The following UBAP1 variants were observed in gnomAD, a reference collection of about 807,000 sequenced individuals.
UBAP1 encodes ubiquitin associated protein 1.
UBAP1 carries 5 observed loss-of-function variants against 39.0 expected under a neutral mutation model. That is an observed-to-expected ratio of 0.13 (90% confidence interval 0.07 to 0.27). The LOEUF (loss-of-function observed/expected upper bound fraction) is 0.27. Among genes scored for constraint, UBAP1 ranks in the 10% least tolerant of loss-of-function variants. UBAP1 has a pLI of 1.00. For synonymous variants in UBAP1, 211 were observed against 225.1 expected, an observed-to-expected ratio of 0.94 and a Z score of 0.56; for missense variants, 490 against 608.1, an observed-to-expected ratio of 0.81 and a Z score of 2.04.
At chr9:34,208,792 A>C (rs1163242618) in intron 1 of UBAP1, among the ~76,000 whole-genome samples, 1 of 150,150 alleles carries the variant, frequency 6.7e-6, no homozygotes, top group Non-Finnish European at 1.5e-5. Context: ...AAAAAAAAAA[A>C]AATTAGCTGG....
intron 2 of UBAP1, among the ~76,000 whole-genome samples, chr9:34,222,011 C>T (rs1832786298): frequency 6.6e-6 from 1 of 152,104 alleles, no homozygotes; most frequent in South Asian, 2.1e-4. Flanking sequence ...TGCCTGCAGT[C>T]CCAGCTACTC....
chr9:34,233,772 C>G (rs142217509), intron 2 of UBAP1, among the ~76,000 whole-genome samples: 7 of 152,158 alleles, frequency 4.6e-5, no homozygotes, highest in Non-Finnish European at 1.0e-4. Flanking sequence ...TCAGGGTAAG[C>G]CTCACTGAGA....
intron 1 of UBAP1, among the ~76,000 whole-genome samples, chr9:34,189,601 G>A (rs1024826692): frequency 2.6e-5 from 4 of 152,022 alleles, no homozygotes; most frequent in African/African-American, 4.8e-5. Context: ...AGACTTTAGG[G>A]GTAGTTTGTG....
chr9:34,234,757 G>A (rs1833598492), intron 3 of UBAP1, among the ~76,000 whole-genome samples: 1 of 152,162 alleles, frequency 6.6e-6, no homozygotes, highest in South Asian at 2.1e-4. Context: ...TGCATTGACA[G>A]TCTTACAAAA....
At chr9:34,181,995 T>C (rs1414839653) in intron 1 of UBAP1, among the ~76,000 whole-genome samples, 1 of 149,076 alleles carries the variant, frequency 6.7e-6, no homozygotes, top group Non-Finnish European at 1.5e-5. Context: ...AGAAGGGGTC[T>C]CTTATGTTGC....
intron 2 of UBAP1, among the ~76,000 whole-genome samples, chr9:34,226,128 TGTGTGTGTG>T (rs1833069959): frequency 8.5e-6 from 1 of 117,992 alleles, no homozygotes; most frequent in African/African-American, 2.7e-5. Context: ...TGTGTGTGTG[TGTGTGTGTG>T]TGTGTGTGTG....
intron 4 of UBAP1, among the ~76,000 whole-genome samples, chr9:34,248,849 G>A (rs772022080): frequency 6.6e-6 from 1 of 152,298 alleles, no homozygotes; most frequent in East Asian, 1.9e-4. Flanking sequence ...AAAAATTTTT[G>A]TGTGAACATC....
rs759452449 is a variant in UBAP1 at position 34,251,543 on chromosome 9, T to C, written c.*11T>C. The C allele has an allele frequency of 2.5e-6, 4 of 1,612,288 alleles. No homozygotes were observed. The highest frequency in any genetic ancestry group is 1.7e-4 in the Middle Eastern group (1 of 6,058). On this transcript the variant is annotated 3_prime_UTR_variant, in exon 7 of 7. Transcript: ENST00000297661. ...GCAGGAGCCAGCTGAGACCAGGCCC[T>C]GCCTAGGCCCTGCCGCAGAACCACC...
intron 3 of UBAP1, among the ~76,000 whole-genome samples, chr9:34,240,550 C>G (rs1471590440): frequency 6.6e-6 from 1 of 152,132 alleles, no homozygotes; most frequent in Non-Finnish European, 1.5e-5. Context: ...TTGAGCTATA[C>G]TTAAGATATT....
chr9:34,194,229 T>G (rs1480888462), intron 1 of UBAP1, among the ~76,000 whole-genome samples: 1 of 152,234 alleles, frequency 6.6e-6, no homozygotes, highest in Non-Finnish European at 1.5e-5. Flanking sequence ...GTATTCATTT[T>G]GAGGGCTAAA....
intron 1 of UBAP1, among the ~76,000 whole-genome samples, chr9:34,187,015 C>T (rs564120186): frequency 5.9e-5 from 9 of 152,286 alleles, no homozygotes; most frequent in African/African-American, 2.2e-4. Flanking sequence ...TCAAGCAATT[C>T]TCCTGTCTCA....
intron 2 of UBAP1, chr9:34,224,116 C>T: frequency 1.3e-6 from 1 of 745,112 alleles, no homozygotes; most frequent in Admixed American, 3.0e-5. Flanking sequence ...CCTGCTGGAA[C>T]TGCTCCTCCA....
At chr9:34,196,897 T>TG (rs1341978210) in intron 1 of UBAP1, among the ~76,000 whole-genome samples, 2 of 131,702 alleles carry the variant, frequency 1.5e-5, no homozygotes, top group Admixed American at 8.9e-5. Context: ...AATATTGTTA[T>TG]TTGTGTGTGT....
chr9:34,250,427 A>C (rs773215131), intron 5 of UBAP1, among the ~76,000 whole-genome samples: 9 of 151,880 alleles, frequency 5.9e-5, no homozygotes, highest in Non-Finnish European at 1.2e-4. Flanking sequence ...TGTGGCTGCA[A>C]CTCCTTTGGA....
chr9:34,185,145 G>C (rs1291726993), intron 1 of UBAP1, among the ~76,000 whole-genome samples: 3 of 150,576 alleles, frequency 2.0e-5, no homozygotes. Context: ...TATTCACCAG[G>C]CTGGTCTCGA....
At position 34,179,220 on chromosome 9, in the gene UBAP1, GGCGGCAGCA is replaced by G. The variant is rs1829878778; in HGVS notation, c.-21_-13del. ...GCCAGCACCTTTCGGCTTCTGAGAC[GGCGGCAGCA>G]GCGGCATTCAGGTGAGGGGGGCCTC... is the stretch of plus-strand genomic sequence containing the variant. On this transcript the variant is annotated 5_prime_UTR_variant, in exon 1 of 7. Transcript: ENST00000297661. 8.1e-7 allele frequency: 1 copy of G among 1,233,222 alleles called. No homozygotes were observed. The highest frequency in any genetic ancestry group is 1.0e-6 in the Non-Finnish European group (1 of 988,294). The allele number at this position is 1,233,222 out of a possible 1,614,324, so 76.4% of individuals were successfully genotyped here. A position where few individuals can be genotyped will look rare whatever the true frequency, so the allele number is the denominator to read the frequency against.
At chr9:34,228,101 C>G (rs1177681695) in intron 2 of UBAP1, among the ~76,000 whole-genome samples, 1 of 151,920 alleles carries the variant, frequency 6.6e-6, no homozygotes, top group African/African-American at 2.4e-5. Context: ...TGCACTCCAG[C>G]CTGGGTGAGA....
rs557908782 is a variant in UBAP1, at chr9:34,224,320, A to G, written c.34+3372A>G. On this transcript the variant is annotated intron_variant, in intron 2 of 6. Transcript: ENST00000297661. ...TGTCGATGAGTATGGTGTGCTGTCAATGAGCATGAAGCAATTCTTCACCAG... is the reference window on the plus strand; with the variant it reads ...TGTCGATGAGTATGGTGTGCTGTCAGTGAGCATGAAGCAATTCTTCACCAG... The G allele has an allele frequency of 1.1e-4, 51 of 448,394 alleles. No homozygotes were observed. In the South Asian group the frequency reaches 2.4e-3, roughly 21 times the overall value. 27.8% of individuals were successfully genotyped at this position (448,394 alleles called of 1,614,324 possible).
At position 34,241,639 on chromosome 9, in the gene UBAP1, C is replaced by T; in HGVS notation, c.614C>T (p.Ser205Phe). The change falls in exon 4 of 7, where the codon TCT (serine) becomes TTT (phenylalanine). Residue 205 changes from serine (S) to phenylalanine (F), a missense_variant. Physicochemically the swap from Ser to Phe is radical, Grantham distance 155. Around this residue, in one of 3 missense-constraint regions of UBAP1, gnomAD observed 339 missense variants for 390.0 expected, o/e 0.87. Transcript: ENST00000297661. ...GACAATAACTTGCCCAGGGGAGGCT[C>T]TGGGTCTGTGTTACAGGATGAGGAG... ...LLDNNLPRGGSGSVLQDEEVL... is the reference protein window; with the variant it reads ...LLDNNLPRGGFGSVLQDEEVL... 6.2e-7 allele frequency: 1 copy of T among 1,614,094 alleles called. No individual in the cohort carries two copies. Among genetic ancestry groups the T allele is most frequent in the Non-Finnish European group, 8.5e-7 (1 of 1,180,010 alleles).
Sources: gnomAD v4.1 joint callset for allele counts (sites outside exome capture counted in the v4.1 genomes callset) on GRCh38, gnomAD v4.1.1 for gene constraint, gnomAD v4.1.1 regional missense constraint, MANE v1.5 for transcripts, NCBI Gene and HGNC (gene_info 2026-07-23, HGNC 2026-07-21) for gene names.